Variants in VRK2 observed in about 807,000 individuals in gnomAD.
VRK2 encodes the protein VRK serine/threonine kinase 2.
A neutral mutation model predicts 57.6 loss-of-function variants in VRK2; 60 were observed. The ratio of observed to expected loss-of-function variants is 1.04; its 90% CI spans 0.85 to 1.29. VRK2 has a LOEUF of 1.29. VRK2 is among the 50% of genes most tolerant of loss of function. VRK2 has a pLI of 0.00. For missense variants in VRK2, 705 were observed against 588.1 expected, an observed-to-expected ratio of 1.20 and a Z score of -2.06; for synonymous variants, 231 against 199.2, an observed-to-expected ratio of 1.16 and a Z score of -1.35.
At chr2:58,034,738 C>G (rs1674219458) in intron 3 of VRK2, among the ~76,000 whole-genome samples, 1 of 151,294 alleles carries the variant, frequency 6.6e-6, no homozygotes, top group African/African-American at 2.4e-5. Context: ...CAAGGCAGTG[C>G]TAAAGGAAGG....
chr2:58,082,691 A>G (rs1351895056), intron 2 of VRK2, among the ~76,000 whole-genome samples: 1 of 151,884 alleles, frequency 6.6e-6, no homozygotes, highest in African/African-American at 2.4e-5. Context: ...GGACTATTGC[A>G]TGGGTAAAAA....
intron 3 of VRK2, chr2:58,033,593 G>A (rs1674182709): frequency 6.6e-6 from 1 of 152,002 alleles, no homozygotes; most frequent in African/African-American, 2.4e-5. Context: ...CACTAAGTTT[G>A]TGGTAATTTG....
At chr2:57,982,035 G>C (rs1327328822) in intron 1 of VRK2, among the ~76,000 whole-genome samples, 1 of 152,166 alleles carries the variant, frequency 6.6e-6, no homozygotes, top group Non-Finnish European at 1.5e-5. Context: ...AATCTTTGAA[G>C]TTTCTGTCTT....
intron 1 of VRK2, among the ~76,000 whole-genome samples, chr2:57,976,828 T>C (rs2104035855): frequency 1.3e-5 from 2 of 152,300 alleles, no homozygotes; most frequent in East Asian, 3.9e-4. Flanking sequence ...TGCTAGATTG[T>C]CTTCCAAAGT....
At chr2:58,025,750 T>C (rs975273188) in exon 2 of VRK2, 1 of 152,098 alleles carries the variant, frequency 6.6e-6, no homozygotes, top group Non-Finnish European at 1.5e-5. Context: ...TTGGTTCAGT[T>C]TACCAGAGAA....
At chr2:58,123,472 G>T (rs1403695940) in intron 8 of VRK2, among the ~76,000 whole-genome samples, 1 of 152,176 alleles carries the variant, frequency 6.6e-6, no homozygotes, top group East Asian at 1.9e-4. Context: ...AGCAAAACTT[G>T]CTGCTCATTT....
At chr2:58,044,578 G>T (rs62140010), upstream of VRK2, among the ~76,000 whole-genome samples, 8 of 152,318 alleles carry the variant, frequency 5.3e-5, no homozygotes, top group Admixed American at 5.2e-4. Flanking sequence ...TAGGTACTGG[G>T]AAAAATACAG....
chr2:58,055,055 A>G (rs1021348709), intron 2 of VRK2, among the ~76,000 whole-genome samples: 18 of 152,326 alleles, frequency 1.2e-4, no homozygotes, highest in Non-Finnish European at 2.1e-4. Context: ...AGAAACATCT[A>G]CAGATGCAAT....
In VRK2 at chr2:58,016,401, C is replaced by A. The variant is rs140989165; in HGVS notation, c.-438-9264C>A. 4.6e-3 allele frequency among the ~76,000 whole-genome samples: 706 copies of A among 152,270 alleles called. 11 individuals carry two copies. Among genetic ancestry groups the A allele is most frequent in the African/African-American group, 0.016 (648 of 41,536 alleles). Reference sequence around the variant, plus strand: ...TTGCTCTGTCTCCCAGGCGGGAATGCAGTGGCGCAATCTTGGCTCACTGCA... The same window carrying A: ...TTGCTCTGTCTCCCAGGCGGGAATGAAGTGGCGCAATCTTGGCTCACTGCA... On this transcript the variant is annotated intron_variant, in intron 1 of 15. Transcript: ENST00000417641.
intron 11 of VRK2, among the ~76,000 whole-genome samples, chr2:58,141,697 T>C (rs1389034461): frequency 6.6e-6 from 1 of 151,980 alleles, no homozygotes; most frequent in Non-Finnish European, 1.5e-5. Context: ...GCTCACCATA[T>C]GTGGCTAAAC....
intron 8 of VRK2, among the ~76,000 whole-genome samples, 161 bp from the exon 9 acceptor site, chr2:58,131,647 C>T (rs1434813210): frequency 2.0e-5 from 3 of 152,016 alleles, no homozygotes; most frequent in Non-Finnish European, 4.4e-5. Context: ...TGGACTGGGG[C>T]CAAATGCTTG....
chr2:58,159,136 A>AATTATATCCAGATTT (rs1346472932), intron 12 of VRK2: 1 of 413,314 alleles, frequency 2.4e-6, no homozygotes, highest in Non-Finnish European at 4.3e-6. Context: ...GAACCACTCA[A>AATTATATCCAGATTT]ATTATATCCA....
chr2:58,059,192 A>G lies in VRK2; in HGVS notation c.136+10225A>G, dbSNP rs114314959. Among the ~76,000 whole-genome samples the G allele has an allele frequency of 5.7e-3, 868 of 152,198 alleles. 8 individuals are homozygous for G. The highest frequency in any genetic ancestry group is 0.02 in the African/African-American group (815 of 41,552). On this transcript the variant is annotated intron_variant, in intron 2 of 12. Coordinates refer to ENST00000340157, the MANE Select transcript of VRK2 (RefSeq NM_006296.7). ...AGGCACTGGAACAATTACATTAAAAATGTACCATACCTCAAACAATATTTT... is the reference window on the plus strand; with the variant it reads ...AGGCACTGGAACAATTACATTAAAAGTGTACCATACCTCAAACAATATTTT...
intron 7 of VRK2, among the ~76,000 whole-genome samples, chr2:58,115,791 G>T (rs891374073): frequency 6.6e-6 from 1 of 152,186 alleles, no homozygotes; most frequent in African/African-American, 2.4e-5. Flanking sequence ...GAAGCCTTGC[G>T]GCAGTACAGC....
chr2:58,016,566 C>T (rs746571121), intron 1 of VRK2, among the ~76,000 whole-genome samples: 1 of 151,994 alleles, frequency 6.6e-6, no homozygotes, highest in Non-Finnish European at 1.5e-5. Context: ...ACCATGTTGG[C>T]CAGGCTGGTC....
chr2:58,119,446 C>T (rs1677073674), intron 7 of VRK2, among the ~76,000 whole-genome samples: 1 of 133,316 alleles, frequency 7.5e-6, no homozygotes, highest in African/African-American at 2.8e-5. Context: ...CACTGCACTC[C>T]AACCTGGGTG....
At chr2:58,048,767 T>TA in intron 1 of VRK2, 60 bp from the exon 2 acceptor site, 1 of 1,579,952 alleles carries the variant, frequency 6.3e-7, no homozygotes, top group Non-Finnish European at 8.6e-7. Context: ...AAGTGTATTT[T>TA]AAGAGTTTTG....
chr2:58,158,257 A>G (rs1279154494), intron 12 of VRK2, among the ~76,000 whole-genome samples: 1 of 152,238 alleles, frequency 6.6e-6, no homozygotes, highest in Non-Finnish European at 1.5e-5. Context: ...TTTAGTTAAT[A>G]AAGCTGACAA....
chr2:58,056,581 G>C (rs1676553461), intron 2 of VRK2, among the ~76,000 whole-genome samples: 1 of 147,252 alleles, frequency 6.8e-6, no homozygotes, highest in Admixed American at 6.8e-5. Context: ...TAGGTAGTGT[G>C]GCTATTTCTG....
Sources: allele counts gnomAD v4.1 joint callset (sites outside exome capture counted in the v4.1 genomes callset), GRCh38; gene constraint gnomAD v4.1.1; transcripts MANE v1.5; gene names NCBI Gene and HGNC (gene_info 2026-07-23, HGNC 2026-07-21).